The following AIMP1 variants were observed in gnomAD, a reference collection of about 807,000 sequenced individuals.
AIMP1 encodes the protein aminoacyl tRNA synthase complex-interacting multifunctional protein 1.
A neutral mutation model predicts 33.1 loss-of-function variants in AIMP1; 24 were observed. The ratio of observed to expected loss-of-function variants is 0.73; its 90% CI spans 0.53 to 1.02. The LOEUF (loss-of-function observed/expected upper bound fraction) is 1.02, where lower values mean the gene tolerates loss of function less well. Ranked by LOEUF, AIMP1 falls within the 50% of genes least tolerant of loss-of-function variation. The probability of loss-of-function intolerance (pLI) is 0.00; values close to 1 mark genes in which losing one functional copy is unlikely to be tolerated. For missense variants in AIMP1, 367 were observed against 364.8 expected (o/e 1.01, Z -0.05); for synonymous variants, 120 against 121.5 (o/e 0.99, Z 0.08).
chr4:106,329,238 C>CA (rs1769574171), intron 4 of AIMP1, among the ~76,000 whole-genome samples: 1 of 152,162 alleles, frequency 6.6e-6, no homozygotes, highest in Non-Finnish European at 1.5e-5. Flanking sequence ...GAAAGCAAGT[C>CA]AGACTAACTC....
intron 4 of AIMP1, among the ~76,000 whole-genome samples, chr4:106,330,095 A>G (rs1361490839): frequency 6.6e-6 from 1 of 151,970 alleles, no homozygotes; most frequent in Non-Finnish European, 1.5e-5. Flanking sequence ...ACTGCCACAT[A>G]TCTTAATTGA....
At chr4:106,322,297 TAA>T (rs11432155) in intron 1 of AIMP1, among the ~76,000 whole-genome samples, 8 of 145,618 alleles carry the variant, frequency 5.5e-5, no homozygotes, top group African/African-American at 2.0e-4. Context: ...TAAAAAAAAT[TAA>T]AAAAAAAAAG....
intron 6 of AIMP1, among the ~76,000 whole-genome samples, chr4:106,340,451 A>G (rs1219127586): frequency 6.6e-6 from 1 of 152,110 alleles, no homozygotes; most frequent in Non-Finnish European, 1.5e-5. Flanking sequence ...CCTCCCTCCT[A>G]GTAGTACTCA....
At chr4:106,341,312 A>T (rs140353077) in intron 6 of AIMP1, among the ~76,000 whole-genome samples, 7 of 152,322 alleles carry the variant, frequency 4.6e-5, no homozygotes, top group African/African-American at 1.7e-4. Flanking sequence ...AGACTTCGTC[A>T]TAAATTCTTT....
In AIMP1 at chr4:106,336,979, CTT is replaced by C; in HGVS notation, c.715_716del (p.Leu239GlyfsTer15). ...CASSPEKIEI[L>X]APPNGSVPGD... ...CTAGTTCACCAGAGAAAATTGAAAT[CTT>C]GGCTCCTCCAAATGGGTCTGTTCCT... is the stretch of plus-strand genomic sequence containing the variant. On this transcript the variant is annotated frameshift_variant, in exon 6 of 7. Transcript: ENST00000672341. LOFTEE classifies it high-confidence loss of function. 1 of 1,614,098 alleles carries C rather than the reference CTT, an allele frequency of 6.2e-7. No individual in the cohort carries two copies. Among genetic ancestry groups the C allele is most frequent in the African/African-American group, 1.3e-5 (1 of 75,042 alleles).
chr4:106,329,780 T>A (rs1391327294), intron 4 of AIMP1, among the ~76,000 whole-genome samples: 1 of 122,370 alleles, frequency 8.2e-6, no homozygotes, highest in Admixed American at 1.0e-4. Context: ...ATCTTTTTTT[T>A]TTTTTTTTTT....
intron 1 of AIMP1, chr4:106,321,407 G>A: frequency 6.4e-6 from 1 of 157,102 alleles, no homozygotes; most frequent in Non-Finnish European, 1.4e-5. Context: ...GACCCTGTCT[G>A]GGAACTGAGG....
intron 5 of AIMP1, among the ~76,000 whole-genome samples, chr4:106,335,594 G>A (rs1182340830): frequency 1.3e-5 from 2 of 152,138 alleles, no homozygotes; most frequent in Non-Finnish European, 2.9e-5. Flanking sequence ...TACTAATCCT[G>A]TTGCTACTCT....
At chr4:106,318,100 G>A (rs1052186522) in intron 1 of AIMP1, among the ~76,000 whole-genome samples, 1 of 152,084 alleles carries the variant, frequency 6.6e-6, no homozygotes, top group Non-Finnish European at 1.5e-5. Flanking sequence ...GACCCCCTAT[G>A]TCCTCATCAG....
chr4:106,317,773 G>A (rs1440089315), intron 1 of AIMP1, among the ~76,000 whole-genome samples: 1 of 152,190 alleles, frequency 6.6e-6, no homozygotes, highest in Non-Finnish European at 1.5e-5. Context: ...GATAAGTCAT[G>A]TAATTTTCCT....
intron 5 of AIMP1, among the ~76,000 whole-genome samples, chr4:106,336,323 T>C (rs530002946): frequency 1.3e-5 from 2 of 151,464 alleles, no homozygotes; most frequent in Non-Finnish European, 2.9e-5. Context: ...ATTATAGGTG[T>C]GAGCCACCAC....
chr4:106,325,571 A>T (rs1412248558), intron 2 of AIMP1, among the ~76,000 whole-genome samples: 8 of 151,998 alleles, frequency 5.3e-5, no homozygotes, highest in Admixed American at 2.6e-4. Flanking sequence ...GGACATAGTC[A>T]TTGCTCATAT....
At chr4:106,333,193 T>A (rs1769745570) in intron 5 of AIMP1, among the ~76,000 whole-genome samples, 1 of 152,134 alleles carries the variant, frequency 6.6e-6, no homozygotes, top group South Asian at 2.1e-4. Context: ...GTGTTATATT[T>A]ACGGAAGGTT....
At chr4:106,336,791 G>A in intron 5 of AIMP1, 78 bp from the exon 6 acceptor site, 1 of 1,304,564 alleles carries the variant, frequency 7.7e-7, no homozygotes, top group South Asian at 1.2e-5. Context: ...TAGCATATTA[G>A]GTGTAGCTTA....
At chr4:106,342,450 G>A (rs891376604) in intron 6 of AIMP1, among the ~76,000 whole-genome samples, 1 of 152,124 alleles carries the variant, frequency 6.6e-6, no homozygotes, top group African/African-American at 2.4e-5. Flanking sequence ...TTATTTTGAG[G>A]TGTGTTCCTT....
intron 1 of AIMP1, among the ~76,000 whole-genome samples, chr4:106,319,857 G>A (rs1769147622): frequency 6.6e-6 from 1 of 152,140 alleles, no homozygotes; most frequent in East Asian, 1.9e-4. Flanking sequence ...ATTGGAAAAT[G>A]CTTCGTAATT....
intron 5 of AIMP1, 74 bp from the exon 6 acceptor site, chr4:106,336,795 T>C: frequency 7.4e-7 from 1 of 1,349,286 alleles, no homozygotes; most frequent in Non-Finnish European, 1.1e-6. Context: ...ATATTAGGTG[T>C]AGCTTAATGT....
chr4:106,316,775 A>T (rs896254651), intron 1 of AIMP1, 181 bp downstream of exon 1: 9 of 551,746 alleles, frequency 1.6e-5, no homozygotes, highest in Admixed American at 3.2e-5. Context: ...TTCCTTCTAA[A>T]GGAGCCACGT....
chr4:106,319,251 T>G (rs1446786302), intron 1 of AIMP1, among the ~76,000 whole-genome samples: 1 of 152,152 alleles, frequency 6.6e-6, no homozygotes, highest in African/African-American at 2.4e-5. Context: ...AGATTTTGCT[T>G]TTTCAAAAAG....
Sources: gnomAD v4.1 joint callset for allele counts (sites outside exome capture counted in the v4.1 genomes callset) on GRCh38, gnomAD v4.1.1 for gene constraint, MANE v1.5 for transcripts, NCBI Gene and HGNC (gene_info 2026-07-23, HGNC 2026-07-21) for gene names.